Variants in KIF26B observed in about 807,000 individuals in gnomAD.
KIF26B encodes the protein kinesin-like protein KIF26B.
In KIF26B, 63 loss-of-function variants were observed where a neutral mutation model predicts 151.2. The ratio of observed to expected loss-of-function variants is 0.42; its 90% CI spans 0.34 to 0.51. The LOEUF is 0.51. Ranked by LOEUF, KIF26B falls within the 20% of genes least tolerant of loss-of-function variation. The pLI is 0.07. For synonymous variants in KIF26B, 1,357 were observed against 1,262.1 expected (o/e 1.08, Z -1.59); for missense variants, 2,813 against 2,913.6 (o/e 0.97, Z 0.79).
intron 4 of KIF26B, among the ~76,000 whole-genome samples, chr1:245,460,887 A>C (rs1659631744): frequency 6.6e-6 from 1 of 152,256 alleles, no homozygotes; most frequent in African/African-American, 2.4e-5. Context: ...TGCCATGCTC[A>C]GAACAGGAGG....
chr1:245,516,096 T>C lies in KIF26B; in HGVS notation c.1167-24671T>C, dbSNP rs10924224. ...TATTCTGCTTCTCCCCTGAGTTTGT[T>C]TTCACGGTGGGACTATCCAGGACTA... On this transcript the variant is annotated intron_variant, in intron 4 of 14. Transcript: ENST00000407071. The surrounding 1 kb of genome is among the most constrained non-coding windows in gnomAD (Gnocchi z 4.2). Among the ~76,000 whole-genome samples, 37,268 of 151,922 alleles carry C rather than the reference T, an allele frequency of 0.25. 5,603 individuals carry two copies. Among genetic ancestry groups the C allele is most frequent in the East Asian group, 0.49 (2,525 of 5,128 alleles).
chr1:245,700,303 G>C (rs896291990), intron 14 of KIF26B, among the ~76,000 whole-genome samples: 1 of 152,160 alleles, frequency 6.6e-6, no homozygotes, highest in African/African-American at 2.4e-5. Flanking sequence ...ATCAGTTCCC[G>C]TTGGTCCTCT....
intron 2 of KIF26B, among the ~76,000 whole-genome samples, chr1:245,300,580 G>T (rs1227612191): frequency 6.7e-6 from 1 of 149,774 alleles, no homozygotes; most frequent in Non-Finnish European, 1.5e-5. Flanking sequence ...CCAGGCTATA[G>T]TACGGTGGCA....
At chr1:245,235,975 G>A (rs1412879680) in intron 2 of KIF26B, among the ~76,000 whole-genome samples, 1 of 149,190 alleles carries the variant, frequency 6.7e-6, no homozygotes, top group East Asian at 2.0e-4. Flanking sequence ...TGTCACCCAG[G>A]CTGGAGGGCA....
At chr1:245,404,450 G>A (rs902147684) in intron 3 of KIF26B, among the ~76,000 whole-genome samples, 13 of 152,052 alleles carry the variant, frequency 8.5e-5, no homozygotes, top group Non-Finnish European at 1.5e-5. Context: ...TGCCAATCTC[G>A]CTGGTTCCGG....
At chr1:245,676,333 TAAG>T (rs2044357162) in intron 10 of KIF26B, 1 of 152,218 alleles carries the variant, frequency 6.6e-6, no homozygotes, top group Admixed American at 6.5e-5. Flanking sequence ...TTGTTCTAGG[TAAG>T]AAGGATAAAT....
At chr1:245,155,805 C>T (rs373308107) in intron 1 of KIF26B, among the ~76,000 whole-genome samples, 17 of 152,316 alleles carry the variant, frequency 1.1e-4, no homozygotes, top group African/African-American at 3.9e-4. Flanking sequence ...TACCTCGGAT[C>T]GTTTAGCTGG....
At chr1:245,315,414 G>A (rs1460845721) in intron 2 of KIF26B, among the ~76,000 whole-genome samples, 1 of 151,516 alleles carries the variant, frequency 6.6e-6, no homozygotes, top group African/African-American at 2.4e-5. Context: ...GACAGAGTGA[G>A]ACCTTGTCTG....
At position 245,367,582 on chromosome 1, in the gene KIF26B, C is replaced by T. The variant is rs1471735138; in HGVS notation, c.999+215C>T. The stretch of plus-strand genomic sequence containing the variant: ...CATCTTCCAAACTTTCCACACCTGC[C>T]CTTTCTCTGCTCTTCAGTGTCTCCT... On this transcript the variant is annotated intron_variant, in intron 3 of 14. Transcript: ENST00000407071. This position sits in a 1 kb window ranked among gnomAD's most constrained non-coding sequence, Gnocchi z 4.2. 1.3e-5 allele frequency among the ~76,000 whole-genome samples: 2 copies of T among 152,236 alleles called. No homozygotes were observed. The highest frequency in any genetic ancestry group is 2.9e-5 in the Non-Finnish European group (2 of 68,042).
chr1:245,642,228 T>C (rs1386318702), intron 9 of KIF26B, among the ~76,000 whole-genome samples: 1 of 152,166 alleles, frequency 6.6e-6, no homozygotes, highest in African/African-American at 2.4e-5. Flanking sequence ...TCCCCAACTA[T>C]AGCAAGAGGG....
chr1:245,390,936 A>ACC (rs1319645932), intron 3 of KIF26B, among the ~76,000 whole-genome samples: 1 of 143,802 alleles, frequency 7.0e-6, no homozygotes, highest in African/African-American at 2.7e-5. Flanking sequence ...AAAAAAAAAA[A>ACC]AAAAAAAAAA....
intron 5 of KIF26B, among the ~76,000 whole-genome samples, chr1:245,585,703 T>C (rs1179391826): frequency 6.6e-6 from 1 of 152,230 alleles, no homozygotes; most frequent in Non-Finnish European, 1.5e-5. Flanking sequence ...ATTCTTTCCA[T>C]GAATTCAAAT....
chr1:245,367,382 T>A lies in KIF26B; in HGVS notation c.999+15T>A, dbSNP rs1672988209. On this transcript the variant is annotated intron_variant, in intron 3 of 14. Transcript: ENST00000407071. The surrounding 1 kb of genome is among the most constrained non-coding windows in gnomAD (Gnocchi z 4.2). Reference sequence around the variant, plus strand: ...ACCCATACCAGGTAAGTAGCCTGTGTGAGCCAGGAAGAGCAGGGCTGGCTG... The same window carrying A: ...ACCCATACCAGGTAAGTAGCCTGTGAGAGCCAGGAAGAGCAGGGCTGGCTG... 8 of 1,570,274 alleles carry A rather than the reference T, an allele frequency of 5.1e-6. No individual in the cohort carries two copies. The highest frequency in any genetic ancestry group is 1.7e-4 in the Middle Eastern group (1 of 5,966).
chr1:245,659,561 C>T (rs72764818), intron 10 of KIF26B, among the ~76,000 whole-genome samples: 46,517 of 152,052 alleles, frequency 0.31, 8,836 homozygotes, highest in Non-Finnish European at 0.42. Flanking sequence ...TTTGCTCTAC[C>T]GGGTTATTTT....
At chr1:245,529,734 G>A (rs748809776) in intron 4 of KIF26B, among the ~76,000 whole-genome samples, 3 of 152,114 alleles carry the variant, frequency 2.0e-5, no homozygotes, top group Non-Finnish European at 2.9e-5. Context: ...AGGAAACATT[G>A]AGGAAACCCC....
At chr1:245,287,636 T>C (rs1360500921) in intron 2 of KIF26B, among the ~76,000 whole-genome samples, 2 of 151,982 alleles carry the variant, frequency 1.3e-5, no homozygotes, top group Non-Finnish European at 2.9e-5. Context: ...TCCAATTAGC[T>C]GGGATTACAG....
At chr1:245,462,653 C>T (rs952654802) in intron 4 of KIF26B, among the ~76,000 whole-genome samples, 3 of 152,132 alleles carry the variant, frequency 2.0e-5, no homozygotes, top group African/African-American at 4.8e-5. Flanking sequence ...CCCAAGTGTC[C>T]GTTCCCCTGT....
intron 2 of KIF26B, among the ~76,000 whole-genome samples, chr1:245,161,605 T>C (rs1161671987): frequency 6.6e-6 from 1 of 152,100 alleles, no homozygotes; most frequent in Non-Finnish European, 1.5e-5. Flanking sequence ...CTAACAACGA[T>C]TGTCCTACAT....
At chr1:245,457,789 T>A (rs1659567754) in intron 4 of KIF26B, among the ~76,000 whole-genome samples, 2 of 152,362 alleles carry the variant, frequency 1.3e-5, no homozygotes, top group African/African-American at 4.8e-5. Context: ...ATTTCACAAC[T>A]TATTTATTCA....
Sources: allele counts gnomAD v4.1 joint callset (sites outside exome capture counted in the v4.1 genomes callset), GRCh38; gene constraint gnomAD v4.1.1; non-coding constraint Gnocchi (gnomAD v3.1); transcripts MANE v1.5; gene names NCBI Gene and HGNC (gene_info 2026-07-23, HGNC 2026-07-21).